The following TAS2R1 variants were observed in gnomAD, a reference collection of about 807,000 sequenced individuals.
TAS2R1 encodes the protein taste 2 receptor member 1.
For missense variants in TAS2R1, 370 were observed against 353.4 expected, an observed-to-expected ratio of 1.05 and a Z score of -0.38; for synonymous variants, 141 against 134.2, an observed-to-expected ratio of 1.05 and a Z score of -0.35.
chr5:9,753,967 G>A, the TAS2R1 span, among the ~76,000 whole-genome samples: 2 of 152,090 alleles, frequency 1.3e-5, no homozygotes, highest in Non-Finnish European at 2.9e-5. Flanking sequence ...AGTATAGTTT[G>A]AAGTCAGGTA....
chr5:9,858,632 T>C, the TAS2R1 span, among the ~76,000 whole-genome samples: 1 of 152,188 alleles, frequency 6.6e-6, no homozygotes, highest in Non-Finnish European at 1.5e-5. Context: ...GATAAAAATA[T>C]CTTTAAAAAG....
At chr5:9,783,896 A>G in the TAS2R1 span, among the ~76,000 whole-genome samples, 1 of 152,308 alleles carries the variant, frequency 6.6e-6, no homozygotes, top group Non-Finnish European at 1.5e-5. Flanking sequence ...GAGGTCTTGA[A>G]GGTCCTGGTT....
At chr5:9,666,158 T>G (rs570621728) in intron 1 of TAS2R1, among the ~76,000 whole-genome samples, 1 of 152,184 alleles carries the variant, frequency 6.6e-6, no homozygotes, top group East Asian at 1.9e-4. Flanking sequence ...TTTCAAAATA[T>G]GTTTAAAAGC....
chr5:9,847,570 T>C, the TAS2R1 span, among the ~76,000 whole-genome samples: 1 of 152,130 alleles, frequency 6.6e-6, no homozygotes, highest in Non-Finnish European at 1.5e-5. Context: ...TAGAGCAAAA[T>C]ACTAACAAAA....
chr5:9,782,323 A>T, the TAS2R1 span, among the ~76,000 whole-genome samples: 2 of 152,196 alleles, frequency 1.3e-5, no homozygotes, highest in African/African-American at 4.8e-5. Context: ...AGGTTTCTGG[A>T]AGATTTTGAA....
At chr5:9,671,473 G>A (rs1264348086) in intron 1 of TAS2R1, among the ~76,000 whole-genome samples, 1 of 152,000 alleles carries the variant, frequency 6.6e-6, no homozygotes, top group East Asian at 1.9e-4. Context: ...TAAAAAATCA[G>A]CAGCATTTCC....
chr5:9,703,589 G>A (rs1045250101), intron 1 of TAS2R1, among the ~76,000 whole-genome samples: 4 of 152,096 alleles, frequency 2.6e-5, no homozygotes, highest in Admixed American at 6.5e-5. Flanking sequence ...ACAGGAATGA[G>A]GTAGACCAAT....
chr5:9,650,775 A>G (rs546904409), intron 2 of TAS2R1, among the ~76,000 whole-genome samples: 9 of 152,116 alleles, frequency 5.9e-5, no homozygotes, highest in Non-Finnish European at 1.2e-4. Flanking sequence ...GTTAGTACTT[A>G]CTACTATCCA....
the TAS2R1 span, among the ~76,000 whole-genome samples, chr5:9,720,467 C>T: frequency 3.3e-5 from 5 of 152,246 alleles, no homozygotes; most frequent in Non-Finnish European, 4.4e-5. Flanking sequence ...AAGGCCAGGA[C>T]TGACCCACTG....
chr5:9,886,016 GA>G, the TAS2R1 span, among the ~76,000 whole-genome samples: 1 of 151,454 alleles, frequency 6.6e-6, no homozygotes, highest in African/African-American at 2.4e-5. Flanking sequence ...CTTCAAATAT[GA>G]TTTTTTTATA....
chr5:9,745,045 T>A, the TAS2R1 span, among the ~76,000 whole-genome samples: 1 of 152,148 alleles, frequency 6.6e-6, no homozygotes, highest in Non-Finnish European at 1.5e-5. Flanking sequence ...TTGAGGAAAC[T>A]TACTGTGGGT....
chr5:9,679,295 G>A (rs749588320), intron 1 of TAS2R1, among the ~76,000 whole-genome samples: 6 of 152,166 alleles, frequency 3.9e-5, no homozygotes, highest in Non-Finnish European at 2.9e-5. Context: ...ATGACATTAC[G>A]CATTTCTAAA....
chr5:9,667,825 G>A (rs914903838), intron 1 of TAS2R1, among the ~76,000 whole-genome samples: 3 of 152,162 alleles, frequency 2.0e-5, no homozygotes, highest in South Asian at 2.1e-4. Context: ...CCACACAGAT[G>A]AGAAAGAACC....
At position 9,688,357 on chromosome 5, in the gene TAS2R1, T is replaced by TATCA. The variant is rs1741169052; in HGVS notation, c.-242+23811_-242+23814dup. ...GGTCTTGTTATTTATAGTGAACTACTATCATGTAACAAAAGCCACCAATGA... is the reference window on the plus strand; with the variant it reads ...GGTCTTGTTATTTATAGTGAACTACTATCAATCATGTAACAAAAGCCACCAATGA... On this transcript the variant is annotated intron_variant, in intron 1 of 2. Coordinates refer to the TAS2R1 transcript ENST00000506620. 2.6e-5 allele frequency among the ~76,000 whole-genome samples: 4 copies of TATCA among 152,314 alleles called. No individual in the cohort carries two copies. In the South Asian group the frequency reaches 8.3e-4, roughly 32 times the overall value.
chr5:9,809,263 G>A, the TAS2R1 span, among the ~76,000 whole-genome samples: 3 of 152,134 alleles, frequency 2.0e-5, no homozygotes, highest in Non-Finnish European at 4.4e-5. Flanking sequence ...TAGAATACAT[G>A]TCTTTTGCAT....
the TAS2R1 span, among the ~76,000 whole-genome samples, chr5:9,796,720 G>GAA: frequency 6.1e-4 from 47 of 77,276 alleles, no homozygotes; most frequent in African/African-American, 1.5e-3. Flanking sequence ...GCTATTTTCT[G>GAA]GAAAAAAAAA....
intron 2 of TAS2R1, among the ~76,000 whole-genome samples, chr5:9,648,778 G>A (rs751466863): frequency 1.9e-4 from 29 of 152,128 alleles, no homozygotes; most frequent in Non-Finnish European, 3.8e-4. Context: ...TGACCTTTTG[G>A]ATACATATGG....
chr5:9,667,563 G>T (rs1318814155), intron 1 of TAS2R1, among the ~76,000 whole-genome samples: 1 of 152,152 alleles, frequency 6.6e-6, no homozygotes, highest in Non-Finnish European at 1.5e-5. Context: ...ACCTGGAAAG[G>T]ATATAGCCTG....
the TAS2R1 span, among the ~76,000 whole-genome samples, chr5:9,852,672 A>G: frequency 6.6e-6 from 1 of 152,160 alleles, no homozygotes; most frequent in Non-Finnish European, 1.5e-5. Context: ...AAGACTCTGA[A>G]GTATAAATCC....
Sources: gnomAD v4.1 joint callset for allele counts (sites outside exome capture counted in the v4.1 genomes callset) on GRCh38, gnomAD v4.1.1 for gene constraint, MANE v1.5 for transcripts, NCBI Gene and HGNC (gene_info 2026-07-23, HGNC 2026-07-21) for gene names.